The following DDX19A variants were observed in gnomAD, a reference collection of about 807,000 sequenced individuals.
DDX19A encodes ATP-dependent RNA helicase DDX19A.
DDX19A carries 12 observed loss-of-function variants against 60.6 expected under a neutral mutation model. The ratio of observed to expected loss-of-function variants is 0.20; its 90% CI spans 0.13 to 0.32. The LOEUF (loss-of-function observed/expected upper bound fraction) is 0.32. Among genes scored for constraint, DDX19A ranks in the 10% least tolerant of loss-of-function variants. DDX19A has a pLI of 1.00. For missense variants in DDX19A, 337 were observed against 600.6 expected, an observed-to-expected ratio of 0.56 and a Z score of 4.59; for synonymous variants, 206 against 218.2, an observed-to-expected ratio of 0.94 and a Z score of 0.49.
chr16:70,357,745 T>C (rs1467924568), intron 4 of DDX19A, among the ~76,000 whole-genome samples: 3 of 152,090 alleles, frequency 2.0e-5, no homozygotes, highest in African/African-American at 4.8e-5. Context: ...TTGTGTTATA[T>C]ACATGCCACT....
intron 2 of DDX19A, among the ~76,000 whole-genome samples, chr16:70,354,210 A>C (rs1964116997): frequency 6.6e-6 from 1 of 150,996 alleles, no homozygotes; most frequent in East Asian, 2.0e-4. Context: ...CAATGGCGTA[A>C]TCTCAGCTCA....
At chr16:70,364,463 C>G in intron 5 of DDX19A, 80 bp from the exon 6 acceptor site, 1 of 1,076,702 alleles carries the variant, frequency 9.3e-7, no homozygotes, top group Non-Finnish European at 1.4e-6. Context: ...GGGAAATATG[C>G]CTTTCATTCA....
intron 2 of DDX19A, among the ~76,000 whole-genome samples, chr16:70,354,337 G>A (rs1159848060): frequency 2.6e-5 from 4 of 151,942 alleles, no homozygotes; most frequent in African/African-American, 7.3e-5. Context: ...AGTAGAGACA[G>A]GTTTTCTCCA....
At chr16:70,361,387 G>T in intron 4 of DDX19A, 31 bp from the exon 5 acceptor site, 4 of 1,495,146 alleles carry the variant, frequency 2.7e-6, no homozygotes, top group South Asian at 1.1e-5. Context: ...TAACTTCTAG[G>T]CATCCATCCT....
chr16:70,352,926 C>T lies in DDX19A; in HGVS notation c.106+2321C>T, dbSNP rs192110865. ...GTGCTGGGATTACAGGCTTGAGCCA[C>T]CGCATCTGGCTGATATACCATGATT... is the stretch of plus-strand genomic sequence containing the variant. On this transcript the variant is annotated intron_variant, in intron 2 of 11. Coordinates refer to ENST00000302243, the MANE Select transcript of DDX19A (RefSeq NM_018332.5). 3.3e-3 allele frequency among the ~76,000 whole-genome samples: 498 copies of T among 152,252 alleles called. 2 individuals are homozygous for T. The highest frequency in any genetic ancestry group is 0.011 in the African/African-American group (444 of 41,544).
intron 4 of DDX19A, among the ~76,000 whole-genome samples, chr16:70,360,239 C>G (rs1000600015): frequency 3.3e-5 from 5 of 151,222 alleles, no homozygotes; most frequent in African/African-American, 1.2e-4. Context: ...CAAGATCACG[C>G]TATTGCACTC....
In DDX19A at chr16:70,372,235, C is replaced by G; in HGVS notation, c.*249C>G. 3.3e-6 allele frequency: 2 copies of G among 599,382 alleles called. 1 individual carries two copies. The highest frequency in any genetic ancestry group is 4.1e-5 in the South Asian group (2 of 49,114). 37.1% of individuals were successfully genotyped at this position (599,382 alleles called of 1,614,324 possible). The stretch of plus-strand genomic sequence containing the variant: ...CTTTTTTAAAGCCACATTCCCCCAT[C>G]TTTATAATAATCTGGTCACAGTGGT... On this transcript the variant is annotated 3_prime_UTR_variant, in exon 12 of 12. Transcript: ENST00000302243.
chr16:70,371,079 G>C (rs1419041830), intron 10 of DDX19A: 9 of 551,948 alleles, frequency 1.6e-5, no homozygotes, highest in Non-Finnish European at 3.2e-6. Flanking sequence ...ACAGGCATCT[G>C]ACTGGTAGAG....
In DDX19A at chr16:70,356,213, CTG is replaced by C. The variant is rs1964180159; in HGVS notation, c.261_262del (p.Tyr88LeufsTer6). 6.2e-7 allele frequency: 1 copy of C among 1,614,052 alleles called. No homozygotes were observed. Among genetic ancestry groups the C allele is most frequent in the African/African-American group, 1.3e-5 (1 of 74,926 alleles). ...CCTGCAACGGGATCCAAACTCCCCT[CTG>C]TACTCGGTGAAGTCGTTTGAAGAGC... ...EVLQRDPNSP[L>X]YSVKSFEELR... On this transcript the variant is annotated frameshift_variant, in exon 4 of 12. Transcript: ENST00000302243. LOFTEE classifies it high-confidence loss of function.
At chr16:70,352,443 C>T (rs552971460) in intron 2 of DDX19A, among the ~76,000 whole-genome samples, 4 of 151,836 alleles carry the variant, frequency 2.6e-5, no homozygotes, top group Admixed American at 6.6e-5. Context: ...CGCCATCATG[C>T]CCAGCTAATT....
intron 7 of DDX19A, chr16:70,365,424 CTG>C (rs1434811640): frequency 9.1e-6 from 2 of 219,824 alleles, no homozygotes; most frequent in Non-Finnish European, 1.8e-5. Flanking sequence ...GTCCAGAGTT[CTG>C]GGACCTGCTA....
Position 70,370,264 on chromosome 16 carries a change from A to G in DDX19A, c.1062A>G (p.Lys354=). 2 of 1,614,118 alleles carry G rather than the reference A, an allele frequency of 1.2e-6. No homozygotes were observed. Among genetic ancestry groups the G allele is most frequent in the African/African-American group, 1.3e-5 (1 of 75,038 alleles). Residue 354 remains lysine (K), a synonymous_variant, in exon 10 of 12, where the codon AAA becomes AAG. Coordinates refer to ENST00000302243, the MANE Select transcript of DDX19A (RefSeq NM_018332.5). ...TASWLAAELS[K]EGHQVALLSG... The stretch of plus-strand genomic sequence containing the variant: ...GTTGGCTGGCAGCAGAGCTCTCAAA[A>G]GAAGGCCACCAGGTGGCTCTGCTGA...
intron 10 of DDX19A, 123 bp from the exon 11 acceptor site, chr16:70,371,249 G>T: frequency 6.4e-7 from 1 of 1,563,024 alleles, no homozygotes; most frequent in African/African-American, 1.3e-5. Flanking sequence ...TGTACCCAGA[G>T]TTGGCCTGTC....
intron 9 of DDX19A, among the ~76,000 whole-genome samples, chr16:70,369,280 A>G (rs2151645462): frequency 6.7e-6 from 1 of 149,730 alleles, no homozygotes; most frequent in Non-Finnish European, 1.5e-5. Context: ...CCCGGGTTCA[A>G]GCGATTCTCC....
At chr16:70,366,979 T>C in intron 9 of DDX19A, 118 bp downstream of exon 9, 1 of 1,210,270 alleles carries the variant, frequency 8.3e-7, no homozygotes, top group Non-Finnish European at 1.2e-6. Flanking sequence ...TTTTTGAAGA[T>C]GTAAGAGACA....
intron 2 of DDX19A, among the ~76,000 whole-genome samples, 170 bp downstream of exon 2, chr16:70,350,775 C>T (rs908929015): frequency 1.5e-5 from 2 of 135,524 alleles, no homozygotes; most frequent in African/African-American, 2.4e-5. Context: ...ACATTTTATC[C>T]TTTGACTTCT....
chr16:70,356,351 T>G lies in DDX19A; in HGVS notation c.293+104T>G, dbSNP rs971913831. Reference sequence around the variant, plus strand: ...GAGAATTTTACTTTTAAAAATTTAGTGTATTTTTTCCTTTTTTTTTTCGAG... The same window carrying G: ...GAGAATTTTACTTTTAAAAATTTAGGGTATTTTTTCCTTTTTTTTTTCGAG... On this transcript the variant is annotated intron_variant, in intron 4 of 11. Transcript: ENST00000302243. 1.3e-5 allele frequency: 20 copies of G among 1,541,100 alleles called. No individual in the cohort carries two copies. The East Asian group carries it at 2.3e-4, about 17-fold the overall frequency.
At chr16:70,349,698 T>C (rs1185473889) in intron 1 of DDX19A, among the ~76,000 whole-genome samples, 5 of 152,106 alleles carry the variant, frequency 3.3e-5, no homozygotes. Flanking sequence ...CACTCTGGAG[T>C]TTAAAATCTA....
At chr16:70,349,955 C>T (rs1308658671) in intron 1 of DDX19A, among the ~76,000 whole-genome samples, 3 of 152,130 alleles carry the variant, frequency 2.0e-5, no homozygotes, top group Admixed American at 6.6e-5. Context: ...GATTCATGGT[C>T]TTAGGTTATC....
Sources: gnomAD v4.1 joint callset for allele counts (sites outside exome capture counted in the v4.1 genomes callset) on GRCh38, gnomAD v4.1.1 for gene constraint, MANE v1.5 for transcripts, NCBI Gene and HGNC (gene_info 2026-07-23, HGNC 2026-07-21) for gene names.